PRKN: variants seen among roughly 807,000 people sequenced by gnomAD.
PRKN encodes E3 ubiquitin-protein ligase parkin.
A neutral mutation model predicts 59.5 loss-of-function variants in PRKN; 56 were observed. That is an observed-to-expected ratio of 0.94 (90% CI 0.76 to 1.18). The LOEUF is 1.18. Among genes scored for constraint, PRKN ranks in the 50% most tolerant of loss-of-function variants. The probability of loss-of-function intolerance (pLI) is 0.00; values close to 1 mark genes in which losing one functional copy is unlikely to be tolerated. For synonymous variants in PRKN, 250 were observed against 222.1 expected, an observed-to-expected ratio of 1.13 and a Z score of -1.12; for missense variants, 657 against 596.4, an observed-to-expected ratio of 1.10 and a Z score of -1.06.
At chr6:161,449,682 A>G (rs1789640885) in intron 9 of PRKN, among the ~76,000 whole-genome samples, 1 of 152,206 alleles carries the variant, frequency 6.6e-6, no homozygotes, top group Non-Finnish European at 1.5e-5. Context: ...AATCAGAACC[A>G]AAGTGCAGAC....
At chr6:162,073,008 G>A (rs997727186) in intron 4 of PRKN, among the ~76,000 whole-genome samples, 2 of 152,142 alleles carry the variant, frequency 1.3e-5, no homozygotes, top group Admixed American at 1.3e-4. Context: ...TCACCTCATC[G>A]ATTTAACATC....
chr6:162,127,773 T>C (rs1234225192), intron 4 of PRKN, among the ~76,000 whole-genome samples: 4 of 152,226 alleles, frequency 2.6e-5, no homozygotes. Context: ...GATTGTTCCA[T>C]CCCTATGGAG....
intron 3 of PRKN, among the ~76,000 whole-genome samples, chr6:162,252,322 T>G (rs965586719): frequency 6.6e-6 from 1 of 152,228 alleles, no homozygotes; most frequent in African/African-American, 2.4e-5. Context: ...AATTCAGGAA[T>G]AAGGTTTGCC....
At chr6:161,905,822 A>T (rs1778122536) in intron 6 of PRKN, among the ~76,000 whole-genome samples, 1 of 150,810 alleles carries the variant, frequency 6.6e-6, no homozygotes, top group Admixed American at 6.6e-5. Context: ...TTAGCCTGGC[A>T]TGGTGGAAAC....
intron 9 of PRKN, among the ~76,000 whole-genome samples, chr6:161,436,353 GC>G (rs1480995339): frequency 6.7e-6 from 1 of 148,754 alleles, no homozygotes; most frequent in African/African-American, 2.5e-5. Flanking sequence ...CCTGCTGTGT[GC>G]CCTCATCAGG....
chr6:162,308,009 C>A (rs566473601), intron 2 of PRKN, among the ~76,000 whole-genome samples: 18 of 152,180 alleles, frequency 1.2e-4, no homozygotes, highest in Non-Finnish European at 2.4e-4. Context: ...TTTGCAAACT[C>A]CCCTCTCCTG....
intron 2 of PRKN, among the ~76,000 whole-genome samples, chr6:162,437,569 C>A (rs1304948618): frequency 6.6e-6 from 1 of 152,122 alleles, no homozygotes; most frequent in Non-Finnish European, 1.5e-5. Context: ...CACAGTCGTA[C>A]CCTCCTCTCA....
At chr6:161,843,956 G>A (rs1251139415) in intron 6 of PRKN, among the ~76,000 whole-genome samples, 2 of 152,142 alleles carry the variant, frequency 1.3e-5, no homozygotes, top group Non-Finnish European at 2.9e-5. Flanking sequence ...AAGGCTCCAG[G>A]CTCTGGTCCT....
chr6:161,805,478 A>ACACACACATGCATG (rs61442187), intron 6 of PRKN, among the ~76,000 whole-genome samples: 2 of 149,364 alleles, frequency 1.3e-5, no homozygotes, highest in African/African-American at 2.5e-5. Flanking sequence ...ACACACACAC[A>ACACACACATGCATG]CATGCATGTA....
intron 1 of PRKN, among the ~76,000 whole-genome samples, chr6:162,595,243 CT>C (rs1456895458): frequency 6.6e-6 from 1 of 151,968 alleles, no homozygotes; most frequent in African/African-American, 2.4e-5. Context: ...CCTGAGTTTT[CT>C]TTTTTTCTTT....
chr6:162,222,588 C>T (rs1005834002), intron 3 of PRKN, among the ~76,000 whole-genome samples: 5 of 152,126 alleles, frequency 3.3e-5, no homozygotes, highest in Non-Finnish European at 5.9e-5. Context: ...AAATGAATCC[C>T]AAACTGCAGA....
chr6:161,765,920 A>G (rs1365648878), intron 7 of PRKN, among the ~76,000 whole-genome samples: 1 of 152,226 alleles, frequency 6.6e-6, no homozygotes, highest in Non-Finnish European at 1.5e-5. Flanking sequence ...ACAAAATAAA[A>G]CAAAATGCTT....
At chr6:162,669,118 T>A (rs1779222222) in intron 1 of PRKN, among the ~76,000 whole-genome samples, 1 of 152,172 alleles carries the variant, frequency 6.6e-6, no homozygotes, top group African/African-American at 2.4e-5. Context: ...GTTTTTTTTA[T>A]TATACCATCT....
intron 1 of PRKN, among the ~76,000 whole-genome samples, chr6:162,479,902 T>C (rs1009227685): frequency 6.6e-6 from 1 of 151,920 alleles, no homozygotes; most frequent in Admixed American, 6.6e-5. Flanking sequence ...TCGTCTCTAC[T>C]GAAAATACAA....
intron 3 of PRKN, among the ~76,000 whole-genome samples, chr6:162,232,854 G>A (rs146460288): frequency 6.6e-6 from 1 of 152,112 alleles, no homozygotes; most frequent in East Asian, 1.9e-4. Flanking sequence ...GGCTTTAGAG[G>A]ATATTAATTA....
At chr6:162,426,547 C>A (rs1789246941) in intron 2 of PRKN, among the ~76,000 whole-genome samples, 1 of 152,208 alleles carries the variant, frequency 6.6e-6, no homozygotes, top group Non-Finnish European at 1.5e-5. Context: ...GCCTCCTGGG[C>A]TCAAGCCATC....
At chr6:161,648,825 A>C (rs1305101179) in intron 7 of PRKN, among the ~76,000 whole-genome samples, 1 of 152,198 alleles carries the variant, frequency 6.6e-6, no homozygotes, top group Non-Finnish European at 1.5e-5. Context: ...TAGAGCCAAA[A>C]ACACAGCCAT....
Position 161,944,021 on chromosome 6 carries a change from A to C in PRKN, c.734+29281T>G, listed in dbSNP as rs1296935403. Among the ~76,000 whole-genome samples the C allele has an allele frequency of 2.3e-5, 3 of 133,230 alleles. No homozygotes were observed. The East Asian group carries it at 6.3e-4, about 28-fold the overall frequency. The allele number at this position is 133,230 out of a possible 152,430, so 87.4% of individuals were successfully genotyped here. A position where few individuals can be genotyped will look rare whatever the true frequency, so the allele number is the denominator to read the frequency against. On this transcript the variant is annotated intron_variant, in intron 6 of 11. Transcript: ENST00000366898. ...GCCTGAGGAAGCAGCCTGAGGGATCAGCCTGAGGAATCAGCCTGAGGGACC... is the reference window on the plus strand; with the variant it reads ...GCCTGAGGAAGCAGCCTGAGGGATCCGCCTGAGGAATCAGCCTGAGGGACC...
At chr6:161,831,068 G>A (rs887471633) in intron 6 of PRKN, among the ~76,000 whole-genome samples, 13 of 152,108 alleles carry the variant, frequency 8.5e-5, no homozygotes, top group African/African-American at 2.4e-4. Context: ...CTGCAGTAAC[G>A]GTTATATGGT....
Sources: gnomAD v4.1 joint callset for allele counts (sites outside exome capture counted in the v4.1 genomes callset) on GRCh38, gnomAD v4.1.1 for gene constraint, MANE v1.5 for transcripts, NCBI Gene and HGNC (gene_info 2026-07-23, HGNC 2026-07-21) for gene names.